The following HERC3 variants were observed in gnomAD, a reference collection of about 807,000 sequenced individuals.
The protein encoded by HERC3 is HECT and RLD domain containing E3 ubiquitin protein ligase 3, also known as probable E3 ubiquitin-protein ligase HERC3.
Under a neutral mutation model 129.9 loss-of-function variants are expected in HERC3, and 58 were observed. The ratio of observed to expected loss-of-function variants is 0.45; its 90% CI spans 0.36 to 0.56. HERC3 has a LOEUF of 0.56. Ranked by LOEUF, HERC3 falls within the 20% of genes least tolerant of loss-of-function variation. The pLI is 0.00. For missense variants in HERC3, 835 were observed against 1,244.2 expected (o/e 0.67, Z 4.95); for synonymous variants, 430 against 451.0 (o/e 0.95, Z 0.59).
At chr4:88,669,259 C>A (rs1731362031) in intron 14 of HERC3, among the ~76,000 whole-genome samples, 1 of 152,140 alleles carries the variant, frequency 6.6e-6, no homozygotes, top group Non-Finnish European at 1.5e-5. Context: ...TAAAGGAAAT[C>A]TCAGACATAC....
chr4:88,562,240 G>C, the HERC3 span, among the ~76,000 whole-genome samples: 1 of 152,046 alleles, frequency 6.6e-6, no homozygotes. Flanking sequence ...GCATTTTTCT[G>C]GTGATCAGTA....
intron 21 of HERC3, among the ~76,000 whole-genome samples, chr4:88,682,359 A>G (rs1236852383): frequency 6.6e-6 from 1 of 152,002 alleles, no homozygotes; most frequent in South Asian, 2.1e-4. Context: ...TTTAGGATAC[A>G]TGTGCACAAC....
At chr4:88,545,451 T>A in the HERC3 span, among the ~76,000 whole-genome samples, 6 of 141,218 alleles carry the variant, frequency 4.2e-5, no homozygotes, top group Non-Finnish European at 9.3e-5. Context: ...TTTTTTTTTT[T>A]AGATAGGGTC....
upstream of HERC3, among the ~76,000 whole-genome samples, chr4:88,587,501 T>C (rs1157613401): frequency 1.3e-5 from 2 of 152,226 alleles, no homozygotes; most frequent in Non-Finnish European, 2.9e-5. Context: ...ACATATTACG[T>C]AATAACAACA....
Position 88,676,384 on chromosome 4 carries a change from G to A in HERC3, c.1986G>A (p.Lys662=). The change falls in exon 18 of 26, where the codon AAG becomes AAA. Residue 662 remains lysine (K), a synonymous_variant. Transcript: ENST00000402738. ...SYPFIFDAQA[K]TKMLQTDAEL... ...CTTTCATCTTTGATGCCCAAGCCAA[G>A]ACCAAAATGTTACAGACAGATGCTG... The A allele has an allele frequency of 6.2e-7, 1 of 1,612,912 alleles. No homozygotes were observed. The highest frequency in any genetic ancestry group is 8.5e-7 in the Non-Finnish European group (1 of 1,179,006).
intron 3 of HERC3, among the ~76,000 whole-genome samples, chr4:88,644,084 CATT>C (rs1728439316): frequency 6.6e-6 from 1 of 152,020 alleles, no homozygotes; most frequent in South Asian, 2.1e-4. Context: ...AATGAAATAC[CATT>C]ATACTTGTTA....
At chr4:88,550,360 G>A in the HERC3 span, among the ~76,000 whole-genome samples, 2 of 151,948 alleles carry the variant, frequency 1.3e-5, no homozygotes, top group Admixed American at 6.6e-5. Context: ...GTTTGCAGAC[G>A]ACATGACTGT....
At chr4:88,703,524 G>A (rs1219355648) in intron 23 of HERC3, among the ~76,000 whole-genome samples, 1 of 152,056 alleles carries the variant, frequency 6.6e-6, no homozygotes, top group African/African-American at 2.4e-5. Context: ...AGTCTGATGA[G>A]TGCAAATGAC....
chr4:88,681,892 A>G (rs899448912), intron 21 of HERC3, among the ~76,000 whole-genome samples: 4 of 152,230 alleles, frequency 2.6e-5, no homozygotes, highest in Non-Finnish European at 5.9e-5. Context: ...CTACTGATCT[A>G]TCAAATACTA....
In HERC3 at chr4:88,651,525, A is replaced by C. The variant is rs115716407; in HGVS notation, c.387-487A>C. 9.5e-3 allele frequency among the ~76,000 whole-genome samples: 1,444 copies of C among 152,314 alleles called. 21 individuals carry two copies. The highest frequency in any genetic ancestry group is 0.032 in the African/African-American group (1,347 of 41,572). ...CCTTACAGGGTTATGGGGAGGATAGAAGGAGACAAGTAGGTAAAATACAGT... is the reference window on the plus strand; with the variant it reads ...CCTTACAGGGTTATGGGGAGGATAGCAGGAGACAAGTAGGTAAAATACAGT... On this transcript the variant is annotated intron_variant, in intron 4 of 25. Coordinates refer to ENST00000402738, the MANE Select transcript of HERC3 (RefSeq NM_014606.3).
At chr4:88,697,301 C>G (rs546288118) in intron 23 of HERC3, 5 of 1,608,600 alleles carry the variant, frequency 3.1e-6, no homozygotes, top group Non-Finnish European at 4.2e-6. Context: ...TCCTCGTCTT[C>G]CCCCTCCTCC....
chr4:88,544,152 A>G, the HERC3 span, among the ~76,000 whole-genome samples: 6 of 152,202 alleles, frequency 3.9e-5, no homozygotes, highest in Non-Finnish European at 8.8e-5. Context: ...AATGGGAGAA[A>G]ATTTTTGCAG....
At chr4:88,632,972 A>G (rs1405928685) in intron 3 of HERC3, among the ~76,000 whole-genome samples, 1 of 152,190 alleles carries the variant, frequency 6.6e-6, no homozygotes, top group Non-Finnish European at 1.5e-5. Context: ...AAGGCAAAGA[A>G]AATACTTGAA....
intron 3 of HERC3, among the ~76,000 whole-genome samples, chr4:88,643,539 G>T (rs1005155841): frequency 6.6e-6 from 1 of 152,150 alleles, no homozygotes; most frequent in East Asian, 1.9e-4. Flanking sequence ...AGGTGTAGAC[G>T]CAGTCCAATA....
chr4:88,636,466 C>A (rs575577532), intron 3 of HERC3, among the ~76,000 whole-genome samples: 1 of 152,168 alleles, frequency 6.6e-6, no homozygotes, highest in Admixed American at 6.5e-5. Flanking sequence ...TATATATGCA[C>A]CCAGTATGGG....
intron 3 of HERC3, among the ~76,000 whole-genome samples, chr4:88,633,948 G>C (rs903787137): frequency 6.6e-6 from 1 of 152,144 alleles, no homozygotes; most frequent in Non-Finnish European, 1.5e-5. Flanking sequence ...TTCGAGGGGG[G>C]CGGGGCCGAG....
intron 3 of HERC3, among the ~76,000 whole-genome samples, chr4:88,627,560 C>G (rs1250374463): frequency 6.6e-6 from 1 of 152,030 alleles, no homozygotes; most frequent in African/African-American, 2.4e-5. Context: ...AACCAATCCC[C>G]CACAAATACT....
At chr4:88,653,792 T>C (rs1729549131) in intron 6 of HERC3, among the ~76,000 whole-genome samples, 1 of 152,182 alleles carries the variant, frequency 6.6e-6, no homozygotes, top group African/African-American at 2.4e-5. Flanking sequence ...TGACTGTTTC[T>C]GAAATGGGGA....
chr4:88,637,665 C>T (rs1727579172), intron 3 of HERC3, among the ~76,000 whole-genome samples: 1 of 152,088 alleles, frequency 6.6e-6, no homozygotes, highest in African/African-American at 2.4e-5. Context: ...CAAATCAACA[C>T]CCTAACATCA....
Sources: allele counts gnomAD v4.1 joint callset (sites outside exome capture counted in the v4.1 genomes callset), GRCh38; gene constraint gnomAD v4.1.1; transcripts MANE v1.5; gene names NCBI Gene and HGNC (gene_info 2026-07-23, HGNC 2026-07-21).